Variants in HCN1 observed in about 807,000 individuals in gnomAD.
HCN1 encodes the protein hyperpolarization activated cyclic nucleotide gated potassium channel 1, also known as potassium/sodium hyperpolarization-activated cyclic nucleotide-gated channel 1.
HCN1 carries 13 observed loss-of-function variants against 78.9 expected under a neutral mutation model. The ratio of observed to expected loss-of-function variants is 0.16; its 90% CI spans 0.11 to 0.26. HCN1 has a LOEUF of 0.26. Ranked by LOEUF, HCN1 falls within the 10% of genes least tolerant of loss-of-function variation. The probability of loss-of-function intolerance (pLI) is 1.00; values close to 1 mark genes in which losing one functional copy is unlikely to be tolerated. For missense variants in HCN1, 810 were observed against 1,154.3 expected (o/e 0.70, Z 4.32); for synonymous variants, 552 against 455.5 (o/e 1.21, Z -2.70).
intron 6 of HCN1, among the ~76,000 whole-genome samples, chr5:45,288,918 G>A (rs1184794365): frequency 6.6e-6 from 1 of 152,012 alleles, no homozygotes; most frequent in Non-Finnish European, 1.5e-5. Context: ...AGACAGAGTT[G>A]AAATGAGAAC....
At chr5:45,580,726 C>G (rs1018669337) in intron 2 of HCN1, among the ~76,000 whole-genome samples, 39 of 152,014 alleles carry the variant, frequency 2.6e-4, no homozygotes, top group African/African-American at 9.4e-4. Flanking sequence ...GTGTTATGTT[C>G]CTCTTCCTGT....
chr5:45,475,514 C>T (rs1741494048), intron 2 of HCN1, among the ~76,000 whole-genome samples: 2 of 152,052 alleles, frequency 1.3e-5, no homozygotes, highest in Non-Finnish European at 2.9e-5. Context: ...AAAATTGACT[C>T]TAAAAAATGA....
intron 1 of HCN1, among the ~76,000 whole-genome samples, chr5:45,681,757 A>C (rs1439909262): frequency 6.6e-6 from 1 of 152,172 alleles, no homozygotes; most frequent in Non-Finnish European, 1.5e-5. Context: ...TACATACCTA[A>C]AAGTAATGTA....
At chr5:45,582,365 G>A (rs370877685) in intron 2 of HCN1, among the ~76,000 whole-genome samples, 22 of 152,178 alleles carry the variant, frequency 1.4e-4, no homozygotes, top group Admixed American at 2.6e-4. Context: ...TTTGTACATT[G>A]ATTTTGTATC....
At position 45,353,103 on chromosome 5, in the gene HCN1, T is replaced by C; in HGVS notation, c.1374A>G (p.Arg458=). 1.2e-6 allele frequency: 2 copies of C among 1,609,986 alleles called. No homozygotes were observed. The highest frequency in any genetic ancestry group is 1.7e-6 in the Non-Finnish European group (2 of 1,177,458). ...NILNELNDPL[R]EEIVNFNCRK... is the part of the protein sequence containing the mutation. ...TACTGAGGACAATAAATCTTACCTCTCTCAGAGGATCATTGAGTTCATTGA... is the reference window on the plus strand; with the variant it reads ...TACTGAGGACAATAAATCTTACCTCCCTCAGAGGATCATTGAGTTCATTGA... The change falls in exon 5 of 8, where the codon AGA becomes AGG. Residue 458 remains arginine, a synonymous_variant. Transcript: ENST00000303230.
chr5:45,460,417 C>G (rs985353297), intron 3 of HCN1, among the ~76,000 whole-genome samples: 4 of 152,154 alleles, frequency 2.6e-5, no homozygotes, highest in Non-Finnish European at 5.9e-5. Context: ...AAATACATTT[C>G]TGTTTTTTAT....
chr5:45,518,614 T>TTTGA (rs1742557143), intron 2 of HCN1, among the ~76,000 whole-genome samples: 2 of 152,028 alleles, frequency 1.3e-5, no homozygotes, highest in Non-Finnish European at 2.9e-5. Flanking sequence ...GAAGAGACCA[T>TTTGA]TTGATGGACA....
intron 6 of HCN1, among the ~76,000 whole-genome samples, chr5:45,281,580 T>TTC (rs1745168963): frequency 1.2e-5 from 1 of 85,736 alleles, no homozygotes; most frequent in Admixed American, 1.3e-4. Context: ...TCTTCTCTTC[T>TTC]TTTTTTTTTT....
chr5:45,445,166 C>A lies in HCN1; in HGVS notation c.1011+16680G>T, dbSNP rs987857795. 2.0e-5 allele frequency among the ~76,000 whole-genome samples: 3 copies of A among 152,150 alleles called. No individual in the cohort carries two copies. The East Asian group carries it at 5.8e-4, about 29-fold the overall frequency. ...GGGTGACAGATGGCACCTGGAAAAT[C>A]GGGTCACTCCCACCCGAATACTGCA... is the stretch of plus-strand genomic sequence containing the variant. On this transcript the variant is annotated intron_variant, in intron 3 of 7. Transcript: ENST00000303230.
At chr5:45,453,648 T>G (rs943662049) in intron 3 of HCN1, among the ~76,000 whole-genome samples, 4 of 152,124 alleles carry the variant, frequency 2.6e-5, no homozygotes, top group African/African-American at 9.7e-5. Flanking sequence ...AGGGGAAATA[T>G]GGATTTTATA....
At chr5:45,546,784 A>T (rs1281358109) in intron 2 of HCN1, among the ~76,000 whole-genome samples, 1 of 151,870 alleles carries the variant, frequency 6.6e-6, no homozygotes, top group African/African-American at 2.4e-5. Context: ...AAATATCGTT[A>T]TTCCAACTAT....
intron 5 of HCN1, among the ~76,000 whole-genome samples, chr5:45,312,165 G>T (rs766623662): frequency 2.0e-5 from 3 of 152,202 alleles, no homozygotes; most frequent in Non-Finnish European, 4.4e-5. Context: ...ACACTTGGGT[G>T]AAGATTTTTC....
At chr5:45,410,305 T>C (rs567607595) in intron 3 of HCN1, among the ~76,000 whole-genome samples, 2 of 152,110 alleles carry the variant, frequency 1.3e-5, no homozygotes, top group Admixed American at 6.6e-5. Context: ...ATTGCAGATA[T>C]AGTGCTTGCA....
At chr5:45,470,705 A>C (rs1741373706) in intron 2 of HCN1, among the ~76,000 whole-genome samples, 1 of 151,976 alleles carries the variant, frequency 6.6e-6, no homozygotes, top group African/African-American at 2.4e-5. Context: ...TATTTGTATA[A>C]GTTTGATTTT....
At chr5:45,498,682 T>C (rs1005798113) in intron 2 of HCN1, among the ~76,000 whole-genome samples, 3 of 152,154 alleles carry the variant, frequency 2.0e-5, no homozygotes, top group Non-Finnish European at 2.9e-5. Flanking sequence ...AGTTTCCAGT[T>C]TTTCTGCTGT....
At chr5:45,557,192 C>T (rs1246240867) in intron 2 of HCN1, among the ~76,000 whole-genome samples, 2 of 151,552 alleles carry the variant, frequency 1.3e-5, no homozygotes, top group African/African-American at 4.8e-5. Flanking sequence ...AATTTGAAAA[C>T]TTTTTTTTTA....
At chr5:45,626,895 T>G (rs895909853) in intron 2 of HCN1, among the ~76,000 whole-genome samples, 102 of 152,056 alleles carry the variant, frequency 6.7e-4, no homozygotes, top group Admixed American at 1.8e-3. Context: ...TTCATATACT[T>G]ATATATGTAT....
intron 5 of HCN1, among the ~76,000 whole-genome samples, chr5:45,348,056 A>G (rs558171087): frequency 1.4e-3 from 219 of 152,290 alleles, no homozygotes; most frequent in African/African-American, 5.0e-3. Flanking sequence ...TCCAAGACAC[A>G]TAATTGTCAG....
At chr5:45,503,892 T>A (rs563756741) in intron 2 of HCN1, among the ~76,000 whole-genome samples, 1 of 152,014 alleles carries the variant, frequency 6.6e-6, no homozygotes, top group South Asian at 2.1e-4. Flanking sequence ...TTCAGGCGAT[T>A]CTCCTGCATT....
Sources: allele counts gnomAD v4.1 joint callset (sites outside exome capture counted in the v4.1 genomes callset), GRCh38; gene constraint gnomAD v4.1.1; transcripts MANE v1.5; gene names NCBI Gene and HGNC (gene_info 2026-07-23, HGNC 2026-07-21).